The following CA10 variants were observed in gnomAD, a reference collection of about 807,000 sequenced individuals.
CA10 encodes the protein carbonic anhydrase-related protein 10.
CA10 carries 14 observed loss-of-function variants against 44.2 expected under a neutral mutation model. The observed-to-expected ratio is 0.32, with a 90% CI of 0.21 to 0.50. The LOEUF (loss-of-function observed/expected upper bound fraction) is 0.50, where lower values mean the gene tolerates loss of function less well. Among genes scored for constraint, CA10 ranks in the 20% least tolerant of loss-of-function variants. The probability of loss-of-function intolerance (pLI) is 0.99; values close to 1 mark genes in which losing one functional copy is unlikely to be tolerated. For synonymous variants in CA10, 159 were observed against 141.6 expected (o/e 1.12, Z -0.87); for missense variants, 350 against 409.7 (o/e 0.85, Z 1.26).
intron 3 of CA10, among the ~76,000 whole-genome samples, chr17:51,846,500 C>G (rs1978499310): frequency 6.6e-6 from 1 of 152,188 alleles, no homozygotes; most frequent in Non-Finnish European, 1.5e-5. Flanking sequence ...ATCCTCATAA[C>G]AATCTTAACA....
chr17:52,097,660 T>C (rs1012283295), intron 1 of CA10, among the ~76,000 whole-genome samples: 1 of 152,208 alleles, frequency 6.6e-6, no homozygotes, highest in Non-Finnish European at 1.5e-5. Context: ...ATTCACATAC[T>C]TACTCATTTA....
chr17:52,082,166 G>A (rs1213493958), intron 1 of CA10, among the ~76,000 whole-genome samples: 1 of 152,126 alleles, frequency 6.6e-6, no homozygotes, highest in Admixed American at 6.6e-5. Flanking sequence ...AATAAATCTA[G>A]GAAAGGGAGA....
intron 1 of CA10, among the ~76,000 whole-genome samples, chr17:52,114,917 C>T (rs1322760505): frequency 6.6e-6 from 1 of 152,346 alleles, no homozygotes; most frequent in East Asian, 1.9e-4. Context: ...CATTCTCCAT[C>T]CACTGGGGCC....
chr17:51,738,398 T>C (rs1040123402), intron 4 of CA10, among the ~76,000 whole-genome samples: 2 of 152,112 alleles, frequency 1.3e-5, no homozygotes, highest in Non-Finnish European at 2.9e-5. Context: ...TGGAGGGTTA[T>C]GGGGGAATGT....
At chr17:51,729,914 G>C (rs58422309) in intron 4 of CA10, among the ~76,000 whole-genome samples, 1 of 152,328 alleles carries the variant, frequency 6.6e-6, no homozygotes, top group Non-Finnish European at 1.5e-5. Context: ...AATCAGCATA[G>C]AAAATGCATC....
chr17:52,099,352 G>A (rs1267531595), intron 1 of CA10, among the ~76,000 whole-genome samples: 4 of 152,196 alleles, frequency 2.6e-5, no homozygotes, highest in African/African-American at 9.7e-5. Flanking sequence ...AGGGTCAGGA[G>A]TATAGATTTT....
chr17:52,124,985 G>A (rs1989088764), intron 1 of CA10, among the ~76,000 whole-genome samples: 1 of 152,142 alleles, frequency 6.6e-6, no homozygotes, highest in Non-Finnish European at 1.5e-5. Context: ...GCCCTCTGAT[G>A]CTATTATCTC....
intron 4 of CA10, among the ~76,000 whole-genome samples, chr17:51,664,066 C>T (rs1331505866): frequency 6.6e-6 from 1 of 152,086 alleles, no homozygotes; most frequent in Non-Finnish European, 1.5e-5. Flanking sequence ...ATGTGTAGGG[C>T]ATTTTTGTTA....
chr17:51,772,068 C>T (rs1268658412), intron 3 of CA10, among the ~76,000 whole-genome samples: 1 of 152,206 alleles, frequency 6.6e-6, no homozygotes, highest in Non-Finnish European at 1.5e-5. Flanking sequence ...ATGTCTCCTC[C>T]TACTTACTTT....
chr17:52,013,666 A>G (rs2144140265), intron 2 of CA10, among the ~76,000 whole-genome samples: 1 of 152,072 alleles, frequency 6.6e-6, no homozygotes, highest in African/African-American at 2.4e-5. Flanking sequence ...GTCTTCCCTT[A>G]TGTCTTCGAT....
chr17:51,945,246 C>G (rs1463350256), intron 2 of CA10, among the ~76,000 whole-genome samples: 1 of 151,998 alleles, frequency 6.6e-6, no homozygotes, highest in Non-Finnish European at 1.5e-5. Context: ...GCTCAGCTGC[C>G]AATTGATGTT....
intron 1 of CA10, among the ~76,000 whole-genome samples, chr17:52,094,640 G>T (rs112489686): frequency 1.3e-5 from 2 of 152,132 alleles, no homozygotes; most frequent in East Asian, 1.9e-4. Context: ...GGGAAAAGAC[G>T]AAGTCTTTTG....
intron 2 of CA10, among the ~76,000 whole-genome samples, chr17:52,059,037 G>C (rs1170395254): frequency 6.6e-6 from 1 of 151,998 alleles, no homozygotes; most frequent in African/African-American, 2.4e-5. Context: ...ATTTCTAATT[G>C]AGGGTGAGTC....
At chr17:51,731,301 C>T (rs758094901) in intron 4 of CA10, among the ~76,000 whole-genome samples, 1 of 152,092 alleles carries the variant, frequency 6.6e-6, no homozygotes, top group African/African-American at 2.4e-5. Context: ...CACTTGAACC[C>T]GGGAGGTGGA....
At chr17:51,647,447 T>A (rs918968175) in intron 6 of CA10, among the ~76,000 whole-genome samples, 1 of 152,118 alleles carries the variant, frequency 6.6e-6, no homozygotes, top group African/African-American at 2.4e-5. Context: ...CTCCCTTCCA[T>A]CTGTCTTTTC....
chr17:52,047,618 T>G (rs1022538932), intron 2 of CA10, among the ~76,000 whole-genome samples: 2 of 151,926 alleles, frequency 1.3e-5, no homozygotes, highest in Non-Finnish European at 2.9e-5. Context: ...AAATAGAAAA[T>G]GTAGAAATGT....
At chr17:51,658,791 C>T (rs576986675) in intron 4 of CA10, among the ~76,000 whole-genome samples, 1 of 152,286 alleles carries the variant, frequency 6.6e-6, no homozygotes, top group South Asian at 2.1e-4. Context: ...AAAGTGGGGA[C>T]TGAGGAAGCC....
At chr17:51,940,250 G>A (rs1241011176) in intron 2 of CA10, among the ~76,000 whole-genome samples, 1 of 152,014 alleles carries the variant, frequency 6.6e-6, no homozygotes, top group East Asian at 1.9e-4. Context: ...TCACCTATTT[G>A]TGTATTCTTG....
chr17:51,907,606 T>G (rs961919567), intron 3 of CA10, among the ~76,000 whole-genome samples: 1 of 152,108 alleles, frequency 6.6e-6, no homozygotes, highest in Admixed American at 6.6e-5. Flanking sequence ...AGGATTGTCT[T>G]TAGCTGATAA....
Sources: allele counts gnomAD v4.1 joint callset (sites outside exome capture counted in the v4.1 genomes callset), GRCh38; gene constraint gnomAD v4.1.1; transcripts MANE v1.5; gene names NCBI Gene and HGNC (gene_info 2026-07-23, HGNC 2026-07-21).